RFX3: variants seen among roughly 807,000 people sequenced by gnomAD.
RFX3 encodes transcription factor RFX3.
RFX3 carries 14 observed loss-of-function variants against 98.6 expected under a neutral mutation model. The ratio of observed to expected loss-of-function variants is 0.14; its 90% CI spans 0.09 to 0.22. The LOEUF is 0.22. Ranked by LOEUF, RFX3 falls within the 10% of genes least tolerant of loss-of-function variation. The pLI is 1.00. For synonymous variants in RFX3, 383 were observed against 328.4 expected (o/e 1.17, Z -1.80); for missense variants, 639 against 926.9 (o/e 0.69, Z 4.03).
At chr9:3,394,411 C>T (rs750612598) in intron 2 of RFX3, among the ~76,000 whole-genome samples, 3 of 152,036 alleles carry the variant, frequency 2.0e-5, no homozygotes, top group Admixed American at 1.3e-4. Context: ...TGCGGTGAGC[C>T]GAGATGATGC....
At chr9:3,411,558 C>T (rs903321270) in intron 1 of RFX3, among the ~76,000 whole-genome samples, 2 of 151,896 alleles carry the variant, frequency 1.3e-5, no homozygotes, top group Non-Finnish European at 2.9e-5. Flanking sequence ...CCCGGGAAGC[C>T]TCCGCCTCCT....
At chr9:3,347,329 A>G (rs1412628682) in intron 2 of RFX3, among the ~76,000 whole-genome samples, 1 of 151,974 alleles carries the variant, frequency 6.6e-6, no homozygotes, top group Admixed American at 6.6e-5. Context: ...TCAAAAAAAA[A>G]AAAGAAAGTT....
intron 1 of RFX3, among the ~76,000 whole-genome samples, chr9:3,440,876 T>C (rs1172806255): frequency 6.6e-6 from 1 of 152,006 alleles, no homozygotes; most frequent in South Asian, 2.1e-4. Flanking sequence ...GTTACTGGGG[T>C]AAAAACAAAC....
At chr9:3,468,839 GA>G (rs1313317226) in intron 1 of RFX3, among the ~76,000 whole-genome samples, 27 of 122,054 alleles carry the variant, frequency 2.2e-4, no homozygotes, top group African/African-American at 7.9e-4. Flanking sequence ...AAAGAAAAAA[GA>G]AAAAAAAGAA....
chr9:3,256,240 G>A (rs1170236982), intron 14 of RFX3, among the ~76,000 whole-genome samples: 1 of 151,978 alleles, frequency 6.6e-6, no homozygotes, highest in Admixed American at 6.6e-5. Context: ...AAAGTGCTGG[G>A]ATTACAGGCG....
In RFX3 at chr9:3,221,612, G is replaced by C. The variant is rs1586625522; in HGVS notation, c.*3430C>G. Reference sequence around the variant, plus strand: ...ATACAGTCAGTCCAAACACAGTTTGGATGAAAATCCTGAATAAGTGACTAG... The same window carrying C: ...ATACAGTCAGTCCAAACACAGTTTGCATGAAAATCCTGAATAAGTGACTAG... On this transcript the variant is annotated 3_prime_UTR_variant, in exon 17 of 17. Coordinates refer to ENST00000617270, the MANE Select transcript of RFX3 (RefSeq NM_001282116.2). 1 of 152,122 alleles carries C rather than the reference G, an allele frequency of 6.6e-6. No individual in the cohort carries two copies. Among genetic ancestry groups the C allele is most frequent in the East Asian group, 1.9e-4 (1 of 5,198 alleles). 9.4% of individuals were successfully genotyped at this position (152,122 alleles called of 1,614,324 possible). A position where few individuals can be genotyped will look rare whatever the true frequency, so the allele number is the denominator to read the frequency against.
chr9:3,500,131 C>G (rs957249032), intron 1 of RFX3, among the ~76,000 whole-genome samples: 1 of 151,920 alleles, frequency 6.6e-6, no homozygotes, highest in Non-Finnish European at 1.5e-5. Context: ...AAAGAAAGGC[C>G]AAGAAATCAA....
chr9:3,401,157 C>A (rs1841438770), intron 1 of RFX3, among the ~76,000 whole-genome samples: 1 of 152,158 alleles, frequency 6.6e-6, no homozygotes, highest in South Asian at 2.1e-4. Context: ...CCATAAAACC[C>A]AACTAATACG....
chr9:3,376,563 T>A (rs924536727), intron 2 of RFX3, among the ~76,000 whole-genome samples: 6 of 152,102 alleles, frequency 3.9e-5, no homozygotes, highest in Non-Finnish European at 8.8e-5. Flanking sequence ...CAAAAGAACA[T>A]ATGTTGTACA....
intron 4 of RFX3, among the ~76,000 whole-genome samples, chr9:3,313,399 C>G (rs1421704716): frequency 6.6e-6 from 1 of 152,176 alleles, no homozygotes; most frequent in Non-Finnish European, 1.5e-5. Context: ...GTAGATAAAA[C>G]CACAAAGATG....
At chr9:3,504,502 ATG>A (rs1160833537) in intron 1 of RFX3, among the ~76,000 whole-genome samples, 9 of 127,564 alleles carry the variant, frequency 7.1e-5, no homozygotes, top group Non-Finnish European at 1.3e-4. Flanking sequence ...TATATGCCAT[ATG>A]GTATATATTG....
chr9:3,351,899 G>C (rs1318936867), intron 2 of RFX3, among the ~76,000 whole-genome samples: 1 of 151,864 alleles, frequency 6.6e-6, no homozygotes, highest in South Asian at 2.1e-4. Context: ...TTATAAGCAG[G>C]CATATCATTT....
Position 3,362,266 on chromosome 9 carries a change from C to T in RFX3, c.118-15502G>A, listed in dbSNP as rs914998909. On this transcript the variant is annotated intron_variant, in intron 2 of 16. Coordinates refer to ENST00000617270, the MANE Select transcript of RFX3 (RefSeq NM_001282116.2). Reference sequence around the variant, plus strand: ...AATCTTCTAGGAATGGTAGCCCTTCCATGTCAAAGAATGTGATGAATGTCA... The same window carrying T: ...AATCTTCTAGGAATGGTAGCCCTTCTATGTCAAAGAATGTGATGAATGTCA... Among the ~76,000 whole-genome samples, 42 of 152,124 alleles carry T rather than the reference C, an allele frequency of 2.8e-4. 1 individual carries two copies. The highest frequency in any genetic ancestry group is 1.1e-3 in the Admixed American group (17 of 15,270).
intron 4 of RFX3, among the ~76,000 whole-genome samples, chr9:3,325,428 G>C (rs888995455): frequency 1.3e-5 from 2 of 151,928 alleles, no homozygotes; most frequent in African/African-American, 4.8e-5. Flanking sequence ...TTAATCAAAA[G>C]AGGTGGGAAT....
chr9:3,379,217 A>G (rs1245018322), intron 2 of RFX3, among the ~76,000 whole-genome samples: 1 of 152,206 alleles, frequency 6.6e-6, no homozygotes, highest in East Asian at 1.9e-4. Flanking sequence ...AATTAAGACC[A>G]TACTAATGAA....
intron 15 of RFX3, among the ~76,000 whole-genome samples, chr9:3,233,603 A>G (rs1445023145): frequency 6.6e-6 from 1 of 152,192 alleles, no homozygotes; most frequent in East Asian, 1.9e-4. Context: ...GATTGGGATG[A>G]AGACCTCACC....
intron 9 of RFX3, 77 bp from the exon 10 acceptor site, chr9:3,271,195 G>C: frequency 8.3e-7 from 1 of 1,208,454 alleles, no homozygotes; most frequent in Non-Finnish European, 1.2e-6. Context: ...AACATGACAA[G>C]ATTTTATATG....
At chr9:3,449,767 C>T (rs573562787) in intron 1 of RFX3, among the ~76,000 whole-genome samples, 2 of 151,672 alleles carry the variant, frequency 1.3e-5, no homozygotes, top group African/African-American at 2.4e-5. Context: ...GCAGGAGGAT[C>T]GTTTGAGCCC....
intron 1 of RFX3, chr9:3,452,179 G>C (rs1163982296): frequency 6.3e-6 from 1 of 157,882 alleles, no homozygotes; most frequent in African/African-American, 2.4e-5. Flanking sequence ...CACTGAAGGT[G>C]TGTCATCTGC....
Sources: gnomAD v4.1 joint callset for allele counts (sites outside exome capture counted in the v4.1 genomes callset) on GRCh38, gnomAD v4.1.1 for gene constraint, MANE v1.5 for transcripts, NCBI Gene and HGNC (gene_info 2026-07-23, HGNC 2026-07-21) for gene names.